PCDHGA2: variants seen among roughly 807,000 people sequenced by gnomAD.
PCDHGA2 encodes protocadherin gamma subfamily A, 2, also known as protocadherin gamma-A2.
In PCDHGA2, 40 loss-of-function variants were observed where a neutral mutation model predicts 59.2. The observed-to-expected ratio is 0.68, with a 90% CI of 0.52 to 0.88. The LOEUF (loss-of-function observed/expected upper bound fraction) is 0.88, where lower values mean the gene tolerates loss of function less well. Among genes scored for constraint, PCDHGA2 ranks in the 40% least tolerant of loss-of-function variants. PCDHGA2 has a pLI of 0.00. For synonymous variants in PCDHGA2, 560 were observed against 526.0 expected, an observed-to-expected ratio of 1.06 and a Z score of -0.89; for missense variants, 1,226 against 1,204.0, an observed-to-expected ratio of 1.02 and a Z score of -0.27.
chr5:141,395,435 T>A, intron 1 of PCDHGA2: 1 of 680,384 alleles, frequency 1.5e-6, no homozygotes, highest in Non-Finnish European at 2.3e-6. Context: ...TTTAAACGAC[T>A]TGGAAAAGAT....
intron 1 of PCDHGA2, among the ~76,000 whole-genome samples, chr5:141,488,802 A>G (rs910422824): frequency 2.0e-5 from 3 of 152,294 alleles, no homozygotes; most frequent in Middle Eastern, 3.4e-3. Flanking sequence ...CCTGTTGAGT[A>G]CCATCTGAGC....
rs371490086 is a variant in PCDHGA2, at chr5:141,405,329, G to T, written c.2424+63934G>T. 3 of 1,614,168 alleles carry T rather than the reference G, an allele frequency of 1.9e-6. No individual in the cohort carries two copies. Among genetic ancestry groups the T allele is most frequent in the Non-Finnish European group, 2.5e-6 (3 of 1,180,010 alleles). On this transcript the variant is annotated intron_variant, in intron 1 of 3. Coordinates refer to ENST00000394576, the MANE Select transcript of PCDHGA2 (RefSeq NM_018915.4). The stretch of plus-strand genomic sequence containing the variant: ...CTGTGAGAAAAATGAGCCTTTGTGC[G>T]TCTCTGTTGATTCCAAGTTTCCTAT...
Position 141,476,645 on chromosome 5 carries a change from A to C in PCDHGA2, c.2425-18162A>C. 1 of 1,614,246 alleles carries C rather than the reference A, an allele frequency of 6.2e-7. No homozygotes were observed. The highest frequency in any genetic ancestry group is 8.5e-7 in the Non-Finnish European group (1 of 1,180,052). On this transcript the variant is annotated intron_variant, in intron 1 of 3. Coordinates refer to ENST00000394576, the MANE Select transcript of PCDHGA2 (RefSeq NM_018915.4). The surrounding 1 kb of genome is among the most constrained non-coding windows in gnomAD (Gnocchi z 7.6). ...TTTACAAACCTATGAGCTGAGCCGA[A>C]ATGAATACTTTGCGCTTCGCGTGCA...
At chr5:141,423,927 T>G (rs2096791636) in intron 1 of PCDHGA2, 4 of 1,240,434 alleles carry the variant, frequency 3.2e-6, no homozygotes, top group Non-Finnish European at 4.1e-6. Flanking sequence ...TATGCTGGTT[T>G]GGTTTGAAGT....
chr5:141,364,087 G>A lies in PCDHGA2; in HGVS notation c.2424+22692G>A, dbSNP rs927975362. ...ACTAAACTTAGGAGAAATAAAAATGGAATTTGATGCAGTCACTGGTTAGGA... is the reference window on the plus strand; with the variant it reads ...ACTAAACTTAGGAGAAATAAAAATGAAATTTGATGCAGTCACTGGTTAGGA... On this transcript the variant is annotated intron_variant, in intron 1 of 3. Transcript: ENST00000394576. The A allele has an allele frequency of 1.3e-5, 5 of 387,758 alleles. No individual in the cohort carries two copies. The East Asian group carries it at 1.5e-4, about 12-fold the overall frequency. The allele number at this position is 387,758 out of a possible 1,614,324, so 24.0% of individuals were successfully genotyped here. A position where few individuals can be genotyped will look rare whatever the true frequency, so the allele number is the denominator to read the frequency against.
Position 141,375,274 on chromosome 5 carries a change from A to C in PCDHGA2, c.2424+33879A>C, listed in dbSNP as rs773661979. On this transcript the variant is annotated intron_variant, in intron 1 of 3. Transcript: ENST00000394576. ...GTCTCCCATTTGAATTGGAAAAATC[A>C]GTTGGCAATTATTATCGATTAGTGA... 9 of 1,613,898 alleles carry C rather than the reference A, an allele frequency of 5.6e-6. No individual in the cohort carries two copies. In the East Asian group the frequency reaches 2.0e-4, roughly 36 times the overall value.
intron 1 of PCDHGA2, chr5:141,355,736 C>T (rs746630262): frequency 1.2e-6 from 2 of 1,613,962 alleles, no homozygotes; most frequent in Non-Finnish European, 1.7e-6. Flanking sequence ...GGTTACTTTT[C>T]CCTGGACGTG....
At chr5:141,370,456 T>A (rs889377616) in intron 1 of PCDHGA2, 17 of 1,611,826 alleles carry the variant, frequency 1.1e-5, no homozygotes, top group Non-Finnish European at 1.3e-5. Flanking sequence ...TTTCTCTTCC[T>A]GCTCTCTTTG....
intron 1 of PCDHGA2, chr5:141,372,617 C>A: frequency 6.2e-7 from 1 of 1,614,010 alleles, no homozygotes; most frequent in South Asian, 1.1e-5. Flanking sequence ...GAGTTCTCCC[C>A]ACCTACAGCG....
intron 1 of PCDHGA2, chr5:141,403,047 G>T: frequency 6.2e-7 from 1 of 1,614,062 alleles, no homozygotes; most frequent in Non-Finnish European, 8.5e-7. Flanking sequence ...AGTCAGATTC[G>T]CTACTCAGTG....
rs1472436870 is a variant in PCDHGA2, at chr5:141,365,479, A to G, written c.2424+24084A>G. On this transcript the variant is annotated intron_variant, in intron 1 of 3. Transcript: ENST00000394576. ...ATTCTGGAGAAAATGGTGAGATTGCATGCTCTATTCCTAGGAATTTGCCTT... is the reference window on the plus strand; with the variant it reads ...ATTCTGGAGAAAATGGTGAGATTGCGTGCTCTATTCCTAGGAATTTGCCTT... 5 of 1,613,906 alleles carry G rather than the reference A, an allele frequency of 3.1e-6. No individual in the cohort carries two copies. The East Asian group carries it at 8.9e-5, about 29-fold the overall frequency.
chr5:141,478,221 C>A, intron 1 of PCDHGA2: 1 of 1,614,122 alleles, frequency 6.2e-7, no homozygotes, highest in Non-Finnish European at 8.5e-7. Context: ...ATCCTGGTTT[C>A]TGTGGGGTTT....
At chr5:141,421,455 C>T (rs762490406) in intron 1 of PCDHGA2, 7 of 1,614,108 alleles carry the variant, frequency 4.3e-6, no homozygotes, top group Non-Finnish European at 4.2e-6. Flanking sequence ...CACAGCTTTT[C>T]GCTGTGAATC....
At position 141,486,426 on chromosome 5, in the gene PCDHGA2, A is replaced by T; in HGVS notation, c.2425-8381A>T. 6.2e-7 allele frequency: 1 copy of T among 1,614,190 alleles called. No homozygotes were observed. The highest frequency in any genetic ancestry group is 8.5e-7 in the Non-Finnish European group (1 of 1,180,026). ...GCTGGACCCTTGGATCGAGAGGCCA[A>T]ATCTAGCTATGACATCATGGTCACT... On this transcript the variant is annotated intron_variant, in intron 1 of 3. Coordinates refer to ENST00000394576, the MANE Select transcript of PCDHGA2 (RefSeq NM_018915.4). This position sits in a 1 kb window ranked among gnomAD's most constrained non-coding sequence, Gnocchi z 5.0.
At chr5:141,399,350 G>T (rs746925566) in intron 1 of PCDHGA2, 2 of 1,613,964 alleles carry the variant, frequency 1.2e-6, no homozygotes, top group East Asian at 2.2e-5. Flanking sequence ...ACCCTAGACC[G>T]AGAGCAAACC....
In PCDHGA2 at chr5:141,486,819, T is replaced by TG; in HGVS notation, c.2425-7988_2425-7987insG. 6.2e-7 allele frequency: 1 copy of TG among 1,614,212 alleles called. No homozygotes were observed. Among genetic ancestry groups the TG allele is most frequent in the Non-Finnish European group, 8.5e-7 (1 of 1,180,034 alleles). On this transcript the variant is annotated intron_variant, in intron 1 of 3. Coordinates refer to ENST00000394576, the MANE Select transcript of PCDHGA2 (RefSeq NM_018915.4). The surrounding 1 kb of genome is among the most constrained non-coding windows in gnomAD (Gnocchi z 5.0). ...GGCAACCCACCCCTTAGCAGCACTG[T>TG]AACAGTTCGTCTATTTGTGCTGGAC...
chr5:141,425,490 G>T (rs2096878933), intron 1 of PCDHGA2, among the ~76,000 whole-genome samples: 1 of 152,122 alleles, frequency 6.6e-6, no homozygotes, highest in Non-Finnish European at 1.5e-5. Context: ...AACCTACTAG[G>T]CTATACCTTT....
chr5:141,451,593 C>A (rs2098719809), intron 1 of PCDHGA2, among the ~76,000 whole-genome samples: 1 of 152,042 alleles, frequency 6.6e-6, no homozygotes, highest in African/African-American at 2.4e-5. Context: ...TTGAAAGTGA[C>A]ATACAAGGCT....
chr5:141,365,873 T>A, intron 1 of PCDHGA2: 4 of 1,614,096 alleles, frequency 2.5e-6, no homozygotes, highest in Non-Finnish European at 3.4e-6. Context: ...CGGTGTCCTG[T>A]ATGCTCTGAG....
Sources: allele counts gnomAD v4.1 joint callset (sites outside exome capture counted in the v4.1 genomes callset), GRCh38; gene constraint gnomAD v4.1.1; non-coding constraint Gnocchi (gnomAD v3.1); transcripts MANE v1.5; gene names NCBI Gene and HGNC (gene_info 2026-07-23, HGNC 2026-07-21).